The following POLR1A variants were observed in gnomAD, a reference collection of about 807,000 sequenced individuals.
POLR1A encodes RNA polymerase I subunit A, also known as DNA-directed RNA polymerase I subunit RPA1.
In POLR1A, 84 loss-of-function variants were observed where a neutral mutation model predicts 205.3. The observed-to-expected ratio is 0.41, with a 90% CI of 0.34 to 0.49. POLR1A has a LOEUF of 0.49. Ranked by LOEUF, POLR1A falls within the 20% of genes least tolerant of loss-of-function variation. The pLI is 0.22. For missense variants in POLR1A, 1,645 were observed against 2,204.5 expected (o/e 0.75, Z 5.08); for synonymous variants, 799 against 863.7 (o/e 0.93, Z 1.31).
At chr2:86,066,954 A>T (rs1227481242) in intron 13 of POLR1A, among the ~76,000 whole-genome samples, 1 of 152,170 alleles carries the variant, frequency 6.6e-6, no homozygotes, top group Non-Finnish European at 1.5e-5. Flanking sequence ...AGTATTATGC[A>T]TTTGACTCAT....
At chr2:86,047,324 G>A in intron 18 of POLR1A, 61 bp from the exon 19 acceptor site, 6 of 1,165,874 alleles carry the variant, frequency 5.1e-6, no homozygotes, top group Non-Finnish European at 7.7e-6. Flanking sequence ...CCCAGAATCA[G>A]GATGTAAATC....
At chr2:86,055,942 C>T (rs994920440) in intron 14 of POLR1A, among the ~76,000 whole-genome samples, 1 of 152,004 alleles carries the variant, frequency 6.6e-6, no homozygotes, top group Non-Finnish European at 1.5e-5. Context: ...GGCAGTTAGG[C>T]AAGAAAATAA....
chr2:86,101,573 C>A (rs143945527), intron 1 of POLR1A, among the ~76,000 whole-genome samples: 201 of 152,296 alleles, frequency 1.3e-3, no homozygotes, highest in African/African-American at 4.5e-3. Context: ...TAGAGTCCAC[C>A]TGCAACCCTG....
chr2:86,060,858 T>C (rs1474357015), intron 14 of POLR1A, among the ~76,000 whole-genome samples: 1 of 152,162 alleles, frequency 6.6e-6, no homozygotes, highest in Non-Finnish European at 1.5e-5. Flanking sequence ...TAGAAAACAG[T>C]ATTAGGTGAA....
chr2:86,099,721 C>G (rs543542021), intron 2 of POLR1A, among the ~76,000 whole-genome samples: 24 of 152,070 alleles, frequency 1.6e-4, no homozygotes, highest in Non-Finnish European at 2.4e-4. Flanking sequence ...TCTCCCCGAC[C>G]CTCCACGCAA....
In POLR1A at chr2:86,049,010, G is replaced by A. The variant is rs766603406; in HGVS notation, c.2508C>T (p.Ala836=). 5.6e-6 allele frequency: 9 copies of A among 1,614,080 alleles called. No individual in the cohort carries two copies. The highest frequency in any genetic ancestry group is 1.3e-5 in the African/African-American group (1 of 74,928). The change falls in exon 18 of 34, where the codon GCC becomes GCT. Residue 836 remains alanine, a synonymous_variant. Transcript: ENST00000263857. ...AVRAALNLPE[A]ASYDEVRGKW... ...TTCCTCGGACCTCATCATATGATGC[G>A]GCTTCTGGCAGGTTTAATGCAGCCC... is the stretch of plus-strand genomic sequence containing the variant.
chr2:86,083,894 A>G (rs1416345234), intron 6 of POLR1A, among the ~76,000 whole-genome samples: 3 of 152,206 alleles, frequency 2.0e-5, no homozygotes, highest in Admixed American at 2.0e-4. Context: ...GATGCCATCT[A>G]CCAGCAATAC....
chr2:86,070,993 A>G lies in POLR1A; in HGVS notation c.1612-721T>C, dbSNP rs1189601382. Among the ~76,000 whole-genome samples, 1 of 152,158 alleles carries G rather than the reference A, an allele frequency of 6.6e-6. No individual in the cohort carries two copies. Among genetic ancestry groups the G allele is most frequent in the Admixed American group, 6.5e-5 (1 of 15,268 alleles). On this transcript the variant is annotated intron_variant, in intron 12 of 33. Coordinates refer to ENST00000263857, the MANE Select transcript of POLR1A (RefSeq NM_015425.6). The surrounding 1 kb of genome is among the most constrained non-coding windows in gnomAD (Gnocchi z 4.4). Reference sequence around the variant, plus strand: ...TGAGTATGTATGTTTGTGTAGCAGCATTTACAGCGGCAAAAACTAGAAATA... The same window carrying G: ...TGAGTATGTATGTTTGTGTAGCAGCGTTTACAGCGGCAAAAACTAGAAATA...
chr2:86,098,965 C>T (rs1673759777), intron 2 of POLR1A, among the ~76,000 whole-genome samples: 1 of 152,006 alleles, frequency 6.6e-6, no homozygotes, highest in South Asian at 2.1e-4. Flanking sequence ...TTATTTTAAT[C>T]CATTTAGATT....
chr2:86,044,344 A>C (rs369571006), intron 21 of POLR1A, 40 bp from the exon 22 acceptor site: 1 of 1,609,070 alleles, frequency 6.2e-7, no homozygotes. Context: ...CCGGCCCATC[A>C]CCTCCCCAGG....
chr2:86,091,880 A>C (rs1394963724), intron 3 of POLR1A, among the ~76,000 whole-genome samples: 1 of 152,106 alleles, frequency 6.6e-6, no homozygotes, highest in Non-Finnish European at 1.5e-5. Flanking sequence ...TTGTGAGGCC[A>C]AGGCAGGCAG....
chr2:86,088,885 A>G lies in POLR1A; in HGVS notation c.541-15T>C, dbSNP rs1443550538. ...ACGTTCTTTACCTGTTTTTTTAAAA[A>G]AAGTCAGAGAACCTTGGAGTGCCAT... is the stretch of plus-strand genomic sequence containing the variant. On this transcript the variant is annotated splice_polypyrimidine_tract_variant and intron_variant, in intron 4 of 33. Transcript: ENST00000263857. The G allele has an allele frequency of 6.3e-7, 1 of 1,582,906 alleles. No individual in the cohort carries two copies. Among genetic ancestry groups the G allele is most frequent in the African/African-American group, 1.3e-5 (1 of 74,088 alleles).
chr2:86,056,019 G>C (rs1672890246), intron 14 of POLR1A, among the ~76,000 whole-genome samples: 1 of 152,206 alleles, frequency 6.6e-6, no homozygotes, highest in Non-Finnish European at 1.5e-5. Flanking sequence ...ATATTATAGA[G>C]AGAAAACCCT....
chr2:86,069,025 C>T (rs115506382), intron 13 of POLR1A, among the ~76,000 whole-genome samples: 1 of 152,368 alleles, frequency 6.6e-6, no homozygotes, highest in African/African-American at 2.4e-5. Context: ...TGCTTCTCAG[C>T]TGAGTGTCCT....
rs1343297835 is a variant in POLR1A, at chr2:86,026,759, TAGA to T, written c.*661_*663del. ...TCCCAGCCTTGGGGCTGATGTGGTC[TAGA>T]AGGACACCTCGCCACACAGTGGCAG... On this transcript the variant is annotated 3_prime_UTR_variant, in exon 34 of 34. Coordinates refer to ENST00000263857, the MANE Select transcript of POLR1A (RefSeq NM_015425.6). 1.3e-5 allele frequency: 2 copies of T among 153,904 alleles called. No individual in the cohort carries two copies. Among genetic ancestry groups the T allele is most frequent in the African/African-American group, 2.4e-5 (1 of 41,470 alleles). 9.5% of individuals were successfully genotyped at this position (153,904 alleles called of 1,614,324 possible).
chr2:86,079,208 T>C lies in POLR1A; in HGVS notation c.1087-924A>G, dbSNP rs76572118. ...GAATCTTCTTTAGCTCTAGGGAAAA[T>C]AGATGTATTCTACATAAAACACTCA... On this transcript the variant is annotated intron_variant, in intron 9 of 33. Coordinates refer to ENST00000263857, the MANE Select transcript of POLR1A (RefSeq NM_015425.6). Among the ~76,000 whole-genome samples, 236 of 152,210 alleles carry C rather than the reference T, an allele frequency of 1.6e-3. 6 individuals are homozygous for C. The East Asian group carries it at 0.043, about 28-fold the overall frequency.
At chr2:86,046,812 G>C (rs779840950) in intron 19 of POLR1A, among the ~76,000 whole-genome samples, 6 of 151,920 alleles carry the variant, frequency 3.9e-5, no homozygotes, top group African/African-American at 1.5e-4. Context: ...CCCGGTGACA[G>C]AGCAAGACTT....
intron 28 of POLR1A, among the ~76,000 whole-genome samples, chr2:86,033,070 G>A (rs1271927581): frequency 6.6e-6 from 1 of 152,258 alleles, no homozygotes; most frequent in Non-Finnish European, 1.5e-5. Context: ...CAGGCTGGCT[G>A]CTGGCTCAGA....
At chr2:86,047,035 T>C (rs997270595) in intron 19 of POLR1A, 130 bp downstream of exon 19, 10 of 623,572 alleles carry the variant, frequency 1.6e-5, no homozygotes, top group African/African-American at 1.4e-4. Flanking sequence ...TTAGCTCCTG[T>C]AGTGATTTCT....
Sources: allele counts gnomAD v4.1 joint callset (sites outside exome capture counted in the v4.1 genomes callset), GRCh38; gene constraint gnomAD v4.1.1; non-coding constraint Gnocchi (gnomAD v3.1); transcripts MANE v1.5; gene names NCBI Gene and HGNC (gene_info 2026-07-23, HGNC 2026-07-21).